PPM1L: variants seen among roughly 807,000 people sequenced by gnomAD.
The protein encoded by PPM1L is protein phosphatase 1L.
Under a neutral mutation model 31.4 loss-of-function variants are expected in PPM1L, and 13 were observed. The ratio of observed to expected loss-of-function variants is 0.41; its 90% CI spans 0.27 to 0.66. The LOEUF is 0.66. PPM1L is among the 30% of genes least tolerant of loss of function. The probability of loss-of-function intolerance (pLI) is 0.29; values close to 1 mark genes in which losing one functional copy is unlikely to be tolerated. For synonymous variants in PPM1L, 184 were observed against 175.4 expected, an observed-to-expected ratio of 1.05 and a Z score of -0.39; for missense variants, 326 against 453.7, an observed-to-expected ratio of 0.72 and a Z score of 2.56.
At chr3:160,864,067 A>G (rs1412467735) in intron 1 of PPM1L, among the ~76,000 whole-genome samples, 1 of 152,142 alleles carries the variant, frequency 6.6e-6, no homozygotes, top group Non-Finnish European at 1.5e-5. Context: ...ATTTTATTAG[A>G]TTTGTTACCA....
At chr3:160,902,733 G>A (rs200186103) in intron 1 of PPM1L, among the ~76,000 whole-genome samples, 2 of 151,898 alleles carry the variant, frequency 1.3e-5, no homozygotes, top group Non-Finnish European at 2.9e-5. Flanking sequence ...TGTATATTTT[G>A]TTTTCTTTCC....
At chr3:160,860,748 A>G (rs1403004700) in intron 1 of PPM1L, among the ~76,000 whole-genome samples, 1 of 152,188 alleles carries the variant, frequency 6.6e-6, no homozygotes, top group Non-Finnish European at 1.5e-5. Flanking sequence ...TCCAAGATCA[A>G]GGTGCTGGCA....
At chr3:161,054,654 T>C (rs1476124756) in intron 2 of PPM1L, among the ~76,000 whole-genome samples, 1 of 152,058 alleles carries the variant, frequency 6.6e-6, no homozygotes, top group Non-Finnish European at 1.5e-5. Context: ...GCTAGGTGGG[T>C]TCTACCCCTT....
At chr3:161,067,143 C>G (rs1232791319) in intron 3 of PPM1L, among the ~76,000 whole-genome samples, 2 of 152,182 alleles carry the variant, frequency 1.3e-5, no homozygotes, top group Non-Finnish European at 2.9e-5. Flanking sequence ...GATGTGTACA[C>G]AATACACCTG....
intron 1 of PPM1L, among the ~76,000 whole-genome samples, chr3:160,832,420 C>T (rs1480787077): frequency 1.3e-5 from 2 of 152,048 alleles, no homozygotes; most frequent in Non-Finnish European, 2.9e-5. Flanking sequence ...TTGGTATACT[C>T]TTGGAGTTAT....
At chr3:160,955,777 A>G (rs1360260986) in intron 1 of PPM1L, among the ~76,000 whole-genome samples, 1 of 151,256 alleles carries the variant, frequency 6.6e-6, no homozygotes, top group East Asian at 2.0e-4. Context: ...CAGCCTCCCG[A>G]GTAGCTGGGA....
intron 1 of PPM1L, among the ~76,000 whole-genome samples, chr3:160,938,557 T>G (rs1045338762): frequency 6.6e-6 from 1 of 152,200 alleles, no homozygotes; most frequent in Admixed American, 6.5e-5. Flanking sequence ...GCAGATTCTT[T>G]GTAGCCTGCC....
chr3:160,790,269 TTTTG>T (rs1210736792), intron 1 of PPM1L, among the ~76,000 whole-genome samples: 1 of 152,160 alleles, frequency 6.6e-6, no homozygotes, highest in Non-Finnish European at 1.5e-5. Flanking sequence ...TTGACATTAA[TTTTG>T]TTTGTGAGTT....
chr3:160,979,989 A>C (rs1388063240), intron 2 of PPM1L, among the ~76,000 whole-genome samples: 2 of 152,090 alleles, frequency 1.3e-5, no homozygotes, highest in Non-Finnish European at 2.9e-5. Flanking sequence ...CCTGGACACC[A>C]GGGCTTCTAC....
intron 2 of PPM1L, among the ~76,000 whole-genome samples, chr3:161,013,398 A>T (rs1271404974): frequency 6.6e-6 from 1 of 152,208 alleles, no homozygotes. Flanking sequence ...ACAGTTTGTT[A>T]TAATTTCTGT....
intron 1 of PPM1L, among the ~76,000 whole-genome samples, chr3:160,908,459 T>A (rs1713839334): frequency 6.6e-6 from 1 of 152,200 alleles, no homozygotes. Flanking sequence ...TAAATACTCA[T>A]AAACTTGGAG....
At chr3:161,000,343 G>A (rs890068836) in intron 2 of PPM1L, among the ~76,000 whole-genome samples, 1 of 152,204 alleles carries the variant, frequency 6.6e-6, no homozygotes, top group South Asian at 2.1e-4. Context: ...AGGAAACAAA[G>A]AATGACCTTT....
intron 1 of PPM1L, among the ~76,000 whole-genome samples, chr3:160,794,360 A>G (rs763770605): frequency 1.4e-4 from 22 of 152,184 alleles, no homozygotes; most frequent in Non-Finnish European, 2.9e-4. Flanking sequence ...TGAGAACCCT[A>G]CTGTGACTAG....
At chr3:160,933,171 A>G (rs575390979) in intron 1 of PPM1L, among the ~76,000 whole-genome samples, 33 of 152,186 alleles carry the variant, frequency 2.2e-4, no homozygotes, top group Non-Finnish European at 4.0e-4. Context: ...GCCTTGTATT[A>G]TATGCCATTT....
intron 1 of PPM1L, among the ~76,000 whole-genome samples, chr3:160,786,151 CTCTCTCTGTGTGTG>C (rs1285647032): frequency 2.3e-5 from 2 of 85,692 alleles, no homozygotes; most frequent in African/African-American, 1.7e-4. Flanking sequence ...CTCTCTCTCT[CTCTCTCTGTGTGTG>C]TGTGTGTGTG....
intron 1 of PPM1L, among the ~76,000 whole-genome samples, chr3:160,820,150 A>C (rs1018029097): frequency 2.0e-5 from 3 of 152,114 alleles, no homozygotes; most frequent in African/African-American, 7.2e-5. Context: ...TAGCAGTGAT[A>C]GTGGAATGAA....
chr3:161,054,498 G>A (rs931051663), intron 2 of PPM1L, among the ~76,000 whole-genome samples: 2 of 151,952 alleles, frequency 1.3e-5, no homozygotes, highest in Admixed American at 1.3e-4. Flanking sequence ...GGTCATTGTC[G>A]ATTTAAATAT....
chr3:161,069,351 A>C lies in PPM1L; in HGVS notation c.*194A>C. 1 of 576,236 alleles carries C rather than the reference A, an allele frequency of 1.7e-6. No homozygotes were observed. The highest frequency in any genetic ancestry group is 3.0e-6 in the Non-Finnish European group (1 of 328,946). The allele number at this position is 576,236 out of a possible 1,614,324, so 35.7% of individuals were successfully genotyped here. A position where few individuals can be genotyped will look rare whatever the true frequency, so the allele number is the denominator to read the frequency against. Reference sequence around the variant, plus strand: ...TTGGCCAATGTAGTTAAGAAACTGGAAAATGGTTTCTTCATGTTTTCCCAA... The same window carrying C: ...TTGGCCAATGTAGTTAAGAAACTGGCAAATGGTTTCTTCATGTTTTCCCAA... On this transcript the variant is annotated 3_prime_UTR_variant, in exon 4 of 4. Transcript: ENST00000498165.
chr3:160,782,401 A>G (rs932168120), intron 1 of PPM1L, among the ~76,000 whole-genome samples: 1 of 152,228 alleles, frequency 6.6e-6, no homozygotes. Flanking sequence ...CACTTGTGAA[A>G]GTTTCAGTGC....
Sources: gnomAD v4.1 joint callset for allele counts (sites outside exome capture counted in the v4.1 genomes callset) on GRCh38, gnomAD v4.1.1 for gene constraint, MANE v1.5 for transcripts, NCBI Gene and HGNC (gene_info 2026-07-23, HGNC 2026-07-21) for gene names.